The following SORCS1 variants were observed in gnomAD, a reference collection of about 807,000 sequenced individuals.
SORCS1 encodes the protein sortilin related VPS10 domain containing receptor 1.
SORCS1 carries 60 observed loss-of-function variants against 146.1 expected under a neutral mutation model. The observed-to-expected ratio is 0.41, with a 90% confidence interval of 0.33 to 0.51. The LOEUF is 0.51. Among genes scored for constraint, SORCS1 ranks in the 20% least tolerant of loss-of-function variants. The probability of loss-of-function intolerance (pLI) is 0.21; values close to 1 mark genes in which losing one functional copy is unlikely to be tolerated. For missense variants in SORCS1, 1,352 were observed against 1,487.6 expected (o/e 0.91, Z 1.50); for synonymous variants, 637 against 584.0 (o/e 1.09, Z -1.31).
At chr10:106,885,935 C>T (rs1358501216) in intron 2 of SORCS1, among the ~76,000 whole-genome samples, 1 of 152,144 alleles carries the variant, frequency 6.6e-6, no homozygotes, top group African/African-American at 2.4e-5. Context: ...GATTGTGAGG[C>T]CCCTCTAGCC....
At chr10:107,092,554 T>G (rs1259992803) in intron 1 of SORCS1, among the ~76,000 whole-genome samples, 1 of 152,198 alleles carries the variant, frequency 6.6e-6, no homozygotes, top group East Asian at 1.9e-4. Flanking sequence ...CCAATATGCC[T>G]GCCAGTCAGA....
chr10:106,986,569 T>C (rs1956486519), intron 1 of SORCS1, among the ~76,000 whole-genome samples: 1 of 151,704 alleles, frequency 6.6e-6, no homozygotes, highest in Non-Finnish European at 1.5e-5. Flanking sequence ...TGTAACTTTT[T>C]TATACCCCAT....
intron 1 of SORCS1, among the ~76,000 whole-genome samples, chr10:107,000,982 A>G (rs926569765): frequency 6.6e-6 from 1 of 152,244 alleles, no homozygotes; most frequent in East Asian, 1.9e-4. Context: ...TTTTTGTATA[A>G]ATTTCTTGAC....
At chr10:106,804,782 C>T (rs1947081457) in intron 3 of SORCS1, among the ~76,000 whole-genome samples, 2 of 151,942 alleles carry the variant, frequency 1.3e-5, no homozygotes, top group South Asian at 2.1e-4. Context: ...TTACAGCAAC[C>T]CCTGGTACAG....
chr10:107,015,353 C>A (rs1275894555), intron 1 of SORCS1, among the ~76,000 whole-genome samples: 1 of 152,116 alleles, frequency 6.6e-6, no homozygotes, highest in East Asian at 1.9e-4. Flanking sequence ...CACACACACA[C>A]AAATAGAGCA....
In SORCS1 at chr10:107,151,573, G is replaced by A. The variant is rs147450298; in HGVS notation, c.558+12396C>T. 1.2e-3 allele frequency among the ~76,000 whole-genome samples: 177 copies of A among 152,220 alleles called. 2 individuals carry two copies. Among genetic ancestry groups the A allele is most frequent in the East Asian group, 5.0e-3 (26 of 5,158 alleles). On this transcript the variant is annotated intron_variant, in intron 1 of 25. Transcript: ENST00000263054. ...TCCCATGAGACTTATTAACTATGAC[G>A]AGAATAGCACAGGAAAGACCAACCC...
chr10:106,584,448 C>T (rs1341146797), intron 24 of SORCS1, among the ~76,000 whole-genome samples: 1 of 152,132 alleles, frequency 6.6e-6, no homozygotes, highest in Non-Finnish European at 1.5e-5. Context: ...CAAACCAAAA[C>T]CCAAGTAAAG....
chr10:107,036,533 G>A (rs1431084352), intron 1 of SORCS1, among the ~76,000 whole-genome samples: 1 of 152,150 alleles, frequency 6.6e-6, no homozygotes, highest in Admixed American at 6.5e-5. Context: ...TGGCATAAGT[G>A]AACTTAAGTC....
In SORCS1 at chr10:106,699,226, G is replaced by A. The variant is rs775365549; in HGVS notation, c.1401C>T (p.Ile467=). The change falls in exon 9 of 26, where the codon ATC becomes ATT. Residue 467 remains isoleucine (I), a synonymous_variant. Coordinates refer to ENST00000263054, the MANE Select transcript of SORCS1 (RefSeq NM_052918.5). ...CCTCGTGACATACCTCATAGAGGTC[G>A]ATCATGATGTTGCCCTCAGGGCCTC... ...SSRGPEGNIM[I]DLYEVAGIKG... 1.1e-5 allele frequency: 18 copies of A among 1,612,018 alleles called. No individual in the cohort carries two copies. The highest frequency in any genetic ancestry group is 2.2e-5 in the South Asian group (2 of 90,700).
intron 2 of SORCS1, among the ~76,000 whole-genome samples, chr10:106,855,645 T>G (rs555598241): frequency 8.5e-5 from 13 of 152,296 alleles, no homozygotes; most frequent in Admixed American, 8.5e-4. Flanking sequence ...TTCTCAGCCA[T>G]GTCCAGTCTA....
At chr10:106,856,435 G>A (rs1949790480) in intron 2 of SORCS1, among the ~76,000 whole-genome samples, 1 of 152,186 alleles carries the variant, frequency 6.6e-6, no homozygotes, top group Non-Finnish European at 1.5e-5. Flanking sequence ...TCCCTGCTTA[G>A]GTGGAACATA....
intron 1 of SORCS1, among the ~76,000 whole-genome samples, chr10:107,009,806 T>C (rs539187152): frequency 4.6e-5 from 7 of 152,272 alleles, no homozygotes; most frequent in South Asian, 2.1e-4. Flanking sequence ...CTTTCACCTA[T>C]TGAGAGATGC....
chr10:106,607,320 C>T (rs1442018679), intron 22 of SORCS1, 23 bp from the exon 23 acceptor site: 1 of 1,612,922 alleles, frequency 6.2e-7, no homozygotes, highest in Non-Finnish European at 8.5e-7. Flanking sequence ...CACAGGGGCT[C>T]ACATTAGTGC....
chr10:106,818,078 T>C (rs988867667), intron 3 of SORCS1, among the ~76,000 whole-genome samples: 3 of 152,258 alleles, frequency 2.0e-5, no homozygotes, highest in Non-Finnish European at 4.4e-5. Context: ...TTCACCTTTA[T>C]GCTTGCAGAG....
chr10:106,725,098 CCACTG>C (rs1164531263), intron 6 of SORCS1, among the ~76,000 whole-genome samples: 2 of 151,856 alleles, frequency 1.3e-5, no homozygotes, highest in African/African-American at 4.8e-5. Context: ...TGAGAGTGCA[CCACTG>C]CACTCCGGGC....
At chr10:106,805,019 G>T (rs1947092146) in intron 3 of SORCS1, among the ~76,000 whole-genome samples, 2 of 152,160 alleles carry the variant, frequency 1.3e-5, no homozygotes, top group South Asian at 4.1e-4. Flanking sequence ...AAAACCATTT[G>T]TATCAACCTC....
chr10:106,854,569 A>G (rs1339386405), intron 2 of SORCS1, among the ~76,000 whole-genome samples: 1 of 150,378 alleles, frequency 6.6e-6, no homozygotes, highest in African/African-American at 2.5e-5. Context: ...ATTTTAATTG[A>G]GCATTTTATA....
chr10:106,797,947 G>A (rs187558804), intron 3 of SORCS1, among the ~76,000 whole-genome samples: 3 of 152,254 alleles, frequency 2.0e-5, no homozygotes, highest in East Asian at 3.9e-4. Context: ...AAAGTTTACC[G>A]GAACTTTCCT....
intron 2 of SORCS1, among the ~76,000 whole-genome samples, chr10:106,929,797 ACG>A (rs753785073): frequency 4.7e-4 from 70 of 150,290 alleles, no homozygotes; most frequent in African/African-American, 1.5e-3. Flanking sequence ...ACACACACAC[ACG>A]TATTAATCAG....
Sources: allele counts gnomAD v4.1 joint callset (sites outside exome capture counted in the v4.1 genomes callset), GRCh38; gene constraint gnomAD v4.1.1; transcripts MANE v1.5; gene names NCBI Gene and HGNC (gene_info 2026-07-23, HGNC 2026-07-21).